The following ADAMTS9 variants were observed in gnomAD, a reference collection of about 807,000 sequenced individuals.
ADAMTS9 encodes A disintegrin and metalloproteinase with thrombospondin motifs 9.
Under a neutral mutation model 257.1 loss-of-function variants are expected in ADAMTS9, and 107 were observed. The observed-to-expected ratio is 0.42, with a 90% CI of 0.36 to 0.49. The LOEUF (loss-of-function observed/expected upper bound fraction) is 0.49, where lower values mean the gene tolerates loss of function less well. Ranked by LOEUF, ADAMTS9 falls within the 20% of genes least tolerant of loss-of-function variation. The pLI is 0.03. For synonymous variants in ADAMTS9, 982 were observed against 880.9 expected, an observed-to-expected ratio of 1.11 and a Z score of -2.03; for missense variants, 2,353 against 2,469.1, an observed-to-expected ratio of 0.95 and a Z score of 1.00.
chr3:64,644,530 T>C (rs1475313228), intron 11 of ADAMTS9, among the ~76,000 whole-genome samples: 1 of 152,176 alleles, frequency 6.6e-6, no homozygotes, highest in Non-Finnish European at 1.5e-5. Flanking sequence ...ATAGAACCTA[T>C]ATTTTCCAAA....
At position 64,662,850 on chromosome 3, in the gene ADAMTS9, G is replaced by A. The variant is rs550187152; in HGVS notation, c.680-4059C>T. 1.5e-4 allele frequency among the ~76,000 whole-genome samples: 23 copies of A among 152,168 alleles called. 1 individual carries two copies. In the South Asian group the frequency reaches 4.8e-3, roughly 31 times the overall value. On this transcript the variant is annotated intron_variant, in intron 3 of 39. Coordinates refer to ENST00000498707, the MANE Select transcript of ADAMTS9 (RefSeq NM_182920.2). Reference sequence around the variant, plus strand: ...CAAAATTCAAAACTTTTTAAATGCTGACATGACACCACCAAGTGGAAAATT... The same window carrying A: ...CAAAATTCAAAACTTTTTAAATGCTAACATGACACCACCAAGTGGAAAATT...
intron 22 of ADAMTS9, among the ~76,000 whole-genome samples, chr3:64,607,844 T>A (rs2084586686): frequency 1.3e-5 from 2 of 152,140 alleles, no homozygotes; most frequent in African/African-American, 4.8e-5. Flanking sequence ...ACACTACATA[T>A]TCCTCTCAAA....
At chr3:64,517,639 C>T (rs902734622) in intron 39 of ADAMTS9, among the ~76,000 whole-genome samples, 1 of 151,470 alleles carries the variant, frequency 6.6e-6, no homozygotes, top group African/African-American at 2.4e-5. Context: ...TTTAAAAACC[C>T]ACTAGCCTGA....
At chr3:64,681,468 T>C (rs1442838266) in intron 2 of ADAMTS9, 105 bp from the exon 3 acceptor site, 11 of 1,253,900 alleles carry the variant, frequency 8.8e-6, no homozygotes, top group Non-Finnish European at 1.2e-5. Flanking sequence ...TTTTACCCAA[T>C]CTCTTTTTCA....
intron 3 of ADAMTS9, among the ~76,000 whole-genome samples, chr3:64,673,798 T>C (rs760601682): frequency 6.6e-6 from 1 of 152,080 alleles, no homozygotes; most frequent in Non-Finnish European, 1.5e-5. Context: ...AGAGATGGTA[T>C]CTTGAGTTTG....
At chr3:64,662,614 A>G (rs750976450) in intron 3 of ADAMTS9, among the ~76,000 whole-genome samples, 3 of 152,122 alleles carry the variant, frequency 2.0e-5, no homozygotes, top group African/African-American at 7.2e-5. Context: ...TAATTATTAT[A>G]TCTTCCTTAT....
chr3:64,660,429 G>A (rs1023907634), intron 3 of ADAMTS9, among the ~76,000 whole-genome samples: 3 of 151,962 alleles, frequency 2.0e-5, no homozygotes, highest in African/African-American at 7.3e-5. Context: ...TCATGGTTTC[G>A]GTTCCCTTGG....
At chr3:64,683,452 G>C (rs566616467) in intron 2 of ADAMTS9, among the ~76,000 whole-genome samples, 108 of 152,330 alleles carry the variant, frequency 7.1e-4, no homozygotes, top group Middle Eastern at 3.4e-3. Context: ...AGACCCGGTT[G>C]AAATCCCAGC....
intron 18 of ADAMTS9, among the ~76,000 whole-genome samples, chr3:64,621,502 C>T (rs975752136): frequency 6.6e-6 from 1 of 152,126 alleles, no homozygotes; most frequent in Non-Finnish European, 1.5e-5. Context: ...TGGCTCAAAC[C>T]TGTAATCCCA....
At chr3:64,664,441 T>C (rs1009774817) in intron 3 of ADAMTS9, among the ~76,000 whole-genome samples, 7 of 152,170 alleles carry the variant, frequency 4.6e-5, no homozygotes, top group African/African-American at 1.7e-4. Flanking sequence ...CATTCTCCCC[T>C]TTCCTCAGCC....
chr3:64,539,188 G>C lies in ADAMTS9; in HGVS notation c.5613+15C>G. On this transcript the variant is annotated intron_variant, in intron 37 of 39. Coordinates refer to ENST00000498707, the MANE Select transcript of ADAMTS9 (RefSeq NM_182920.2). The stretch of plus-strand genomic sequence containing the variant: ...AGGTGAATCCCTGGCAAGGGGGAAG[G>C]CACCAAGGACATACCTGTGGGCACT... The C allele has an allele frequency of 6.2e-7, 1 of 1,603,820 alleles. No homozygotes were observed.
At chr3:64,655,917 G>T in intron 4 of ADAMTS9, 42 bp from the exon 5 acceptor site, 3 of 1,317,724 alleles carry the variant, frequency 2.3e-6, no homozygotes, top group Non-Finnish European at 2.1e-6. Context: ...TGTGAACTCC[G>T]TGTAAGCAAT....
chr3:64,646,656 T>C (rs187129124), intron 11 of ADAMTS9, among the ~76,000 whole-genome samples: 146 of 152,346 alleles, frequency 9.6e-4, no homozygotes, highest in African/African-American at 3.4e-3. Flanking sequence ...TACAAAAGTA[T>C]CTTCATTATA....
Position 64,622,484 on chromosome 3 carries a change from C to T in ADAMTS9, c.2492G>A (p.Gly831Glu). ...AATTCTTTCTACGGCAGTCTCGGACCCACTGTACTCTACCACAGCATTCCC... is the reference window on the plus strand; with the variant it reads ...AATTCTTTCTACGGCAGTCTCGGACTCACTGTACTCTACCACAGCATTCCC... ...RIGNAVVEYS[G>E]SETAVERINS... The change falls in exon 17 of 40, where the codon GGG becomes GAG. Residue 831 changes from glycine (G) to glutamate (E), a missense_variant. By Grantham distance (98) the Gly-to-Glu change is moderately conservative. Transcript: ENST00000498707. 6.2e-7 allele frequency: 1 copy of T among 1,614,022 alleles called. No homozygotes were observed. The highest frequency in any genetic ancestry group is 8.5e-7 in the Non-Finnish European group (1 of 1,179,992).
At chr3:64,527,301 A>T (rs1427237504) in intron 38 of ADAMTS9, among the ~76,000 whole-genome samples, 1 of 152,230 alleles carries the variant, frequency 6.6e-6, no homozygotes. Flanking sequence ...TTCCATTAAG[A>T]ATAGTTTGTA....
chr3:64,608,173 GAA>G (rs61494743), intron 22 of ADAMTS9, among the ~76,000 whole-genome samples: 2,831 of 88,942 alleles, frequency 0.032, 81 homozygotes, highest in African/African-American at 0.08. Context: ...CACTAATAAA[GAA>G]AAAAAAAAAA....
intron 28 of ADAMTS9, chr3:64,588,493 A>G (rs1273758397): frequency 1.3e-5 from 2 of 152,148 alleles, no homozygotes; most frequent in African/African-American, 2.4e-5. Context: ...ATTAAAATAA[A>G]TCTTCCTCAA....
At position 64,516,274 on chromosome 3, in the gene ADAMTS9, G is replaced by A. The variant is rs2082773815; in HGVS notation, c.*853C>T. On this transcript the variant is annotated 3_prime_UTR_variant, in exon 40 of 40. Coordinates refer to ENST00000498707, the MANE Select transcript of ADAMTS9 (RefSeq NM_182920.2). ...GATCTCACTTTCCCAATATCACTCT[G>A]TAATGAAGCTGCTTGGGGGATCCTC... is the stretch of plus-strand genomic sequence containing the variant. 6.6e-6 allele frequency: 1 copy of A among 152,594 alleles called. No individual in the cohort carries two copies. The highest frequency in any genetic ancestry group is 2.4e-5 in the African/African-American group (1 of 41,452). The allele number at this position is 152,594 out of a possible 1,614,324, so 9.5% of individuals were successfully genotyped here. A position where few individuals can be genotyped will look rare whatever the true frequency, so the allele number is the denominator to read the frequency against.
intron 16 of ADAMTS9, among the ~76,000 whole-genome samples, chr3:64,628,541 C>T (rs1700284229): frequency 6.6e-6 from 1 of 152,142 alleles, no homozygotes; most frequent in Non-Finnish European, 1.5e-5. Flanking sequence ...AAGAAAAATA[C>T]TTGCCCCATT....
Sources: gnomAD v4.1 joint callset for allele counts (sites outside exome capture counted in the v4.1 genomes callset) on GRCh38, gnomAD v4.1.1 for gene constraint, MANE v1.5 for transcripts, NCBI Gene and HGNC (gene_info 2026-07-23, HGNC 2026-07-21) for gene names.